Variants in FYB2 observed in about 807,000 individuals in gnomAD.
The protein encoded by FYB2 is FYN-binding protein 2.
A neutral mutation model predicts 94.1 loss-of-function variants in FYB2; 103 were observed. The observed-to-expected ratio is 1.09, with a 90% CI of 0.93 to 1.29. The LOEUF (loss-of-function observed/expected upper bound fraction) is 1.29. Among genes scored for constraint, FYB2 ranks in the 50% most tolerant of loss-of-function variants. FYB2 has a pLI of 0.00. For synonymous variants in FYB2, 293 were observed against 287.9 expected, an observed-to-expected ratio of 1.02 and a Z score of -0.18; for missense variants, 896 against 841.5, an observed-to-expected ratio of 1.06 and a Z score of -0.80.
At chr1:56,776,492 T>TC (rs1392375368) in intron 4 of FYB2, among the ~76,000 whole-genome samples, 2 of 152,124 alleles carry the variant, frequency 1.3e-5, no homozygotes, top group African/African-American at 4.8e-5. Flanking sequence ...CTCTTTTTTT[T>TC]CCCATTCATC....
At chr1:56,819,601 C>T (rs920410723), upstream of FYB2, 2 of 526,104 alleles carry the variant, frequency 3.8e-6, no homozygotes, top group African/African-American at 1.9e-5. Flanking sequence ...CCGTTGCTCC[C>T]CTCCGGCTGG....
Position 56,792,405 on chromosome 1 carries a change from G to A in FYB2, c.408C>T (p.Phe136=). ...TCTCCCAGTTCCAGAGTTTGTTTCT[G>A]AAGCTATTGGCCACCATTACTTTTT... ...TKEKVMVANS[F]RNKLWNWEKV... The change falls in exon 2 of 20, where the codon TTC becomes TTT. Residue 136 remains phenylalanine (F), a synonymous_variant. Coordinates refer to ENST00000343433, the MANE Select transcript of FYB2 (RefSeq NM_001004303.5). The A allele has an allele frequency of 1.9e-6, 3 of 1,614,174 alleles. No homozygotes were observed. The highest frequency in any genetic ancestry group is 1.7e-6 in the Non-Finnish European group (2 of 1,180,028).
chr1:56,723,075 CTTGT>C (rs912484874), intron 17 of FYB2, among the ~76,000 whole-genome samples: 3 of 151,962 alleles, frequency 2.0e-5, no homozygotes, highest in Admixed American at 2.0e-4. Context: ...CATTCATTTG[CTTGT>C]TTATTTAGGC....
chr1:56,811,385 C>G (rs1167912097), intron 1 of FYB2, among the ~76,000 whole-genome samples: 1 of 152,210 alleles, frequency 6.6e-6, no homozygotes, highest in Non-Finnish European at 1.5e-5. Flanking sequence ...ACCTGACACT[C>G]CCTTGCACTG....
intron 1 of FYB2, among the ~76,000 whole-genome samples, chr1:56,797,825 G>A (rs1262871196): frequency 1.3e-5 from 2 of 152,140 alleles, no homozygotes; most frequent in Non-Finnish European, 2.9e-5. Flanking sequence ...CACACTGGCC[G>A]ATACAGCCTG....
At chr1:56,761,237 A>G (rs752145168) in intron 5 of FYB2, among the ~76,000 whole-genome samples, 2 of 152,236 alleles carry the variant, frequency 1.3e-5, no homozygotes, top group Non-Finnish European at 2.9e-5. Flanking sequence ...ATAATTTAAA[A>G]GAAACTAACA....
intron 3 of FYB2, among the ~76,000 whole-genome samples, chr1:56,788,523 G>C (rs1646182453): frequency 6.6e-6 from 1 of 152,148 alleles, no homozygotes; most frequent in Admixed American, 6.5e-5. Context: ...GGGGTTGCAG[G>C]CTTTCAGTTA....
Position 56,792,252 on chromosome 1 carries a change from T to C in FYB2, c.561A>G (p.Glu187=). 1 of 1,612,280 alleles carries C rather than the reference T, an allele frequency of 6.2e-7. No homozygotes were observed. The highest frequency in any genetic ancestry group is 8.5e-7 in the Non-Finnish European group (1 of 1,179,570). ...LTPEEPRKKL[E]TKGAQTLPSQ... is the part of the protein sequence containing the mutation. Reference sequence around the variant, plus strand: ...AAGGAAGAGTCTGGGCTCCTTTTGTTTCCAGCTTTTTCCTGGGTTCCTCTG... The same window carrying C: ...AAGGAAGAGTCTGGGCTCCTTTTGTCTCCAGCTTTTTCCTGGGTTCCTCTG... The change falls in exon 2 of 20, where the codon GAA becomes GAG. Residue 187 remains glutamate (E), a synonymous_variant. Coordinates refer to ENST00000343433, the MANE Select transcript of FYB2 (RefSeq NM_001004303.5).
At chr1:56,799,445 C>T (rs1489233072) in intron 1 of FYB2, among the ~76,000 whole-genome samples, 2 of 152,084 alleles carry the variant, frequency 1.3e-5, no homozygotes, top group South Asian at 2.1e-4. Context: ...TTTGCATTGG[C>T]TTTTAAGACA....
intron 3 of FYB2, among the ~76,000 whole-genome samples, chr1:56,787,611 C>T (rs998612762): frequency 3.3e-5 from 5 of 152,160 alleles, no homozygotes; most frequent in African/African-American, 9.7e-5. Context: ...AAGCCCTTTC[C>T]GGGCATCATG....
intron 4 of FYB2, among the ~76,000 whole-genome samples, chr1:56,775,455 G>A (rs1645853889): frequency 6.6e-6 from 1 of 152,124 alleles, no homozygotes; most frequent in African/African-American, 2.4e-5. Flanking sequence ...GCAGGCATGG[G>A]AAGGCATGTA....
chr1:56,772,763 T>C (rs1020135650), intron 4 of FYB2, among the ~76,000 whole-genome samples: 2 of 152,146 alleles, frequency 1.3e-5, no homozygotes, highest in African/African-American at 4.8e-5. Flanking sequence ...ACAGTTATAA[T>C]AAAATCTACT....
chr1:56,773,572 A>C (rs1274289077), intron 4 of FYB2, among the ~76,000 whole-genome samples: 2 of 152,138 alleles, frequency 1.3e-5, no homozygotes, highest in African/African-American at 4.8e-5. Flanking sequence ...ACAATGTGGA[A>C]AATGCCTGAC....
chr1:56,730,369 G>A (rs1172703373), intron 15 of FYB2, among the ~76,000 whole-genome samples: 2 of 112,444 alleles, frequency 1.8e-5, no homozygotes, highest in East Asian at 3.1e-4. Flanking sequence ...GTAAACGGGA[G>A]GAGAGGGGGA....
intron 4 of FYB2, among the ~76,000 whole-genome samples, chr1:56,778,891 A>C (rs541099132): frequency 3.3e-4 from 51 of 152,338 alleles, no homozygotes; most frequent in African/African-American, 1.2e-3. Context: ...GCATCTAGAA[A>C]AATGGCGGGC....
intron 17 of FYB2, among the ~76,000 whole-genome samples, chr1:56,721,243 G>A (rs901815570): frequency 2.6e-5 from 4 of 151,952 alleles, no homozygotes; most frequent in Non-Finnish European, 4.4e-5. Context: ...TCCAGAATAC[G>A]CAGCTTAGAT....
chr1:56,772,648 G>A (rs557033010), intron 4 of FYB2, among the ~76,000 whole-genome samples: 11 of 152,236 alleles, frequency 7.2e-5, no homozygotes, highest in African/African-American at 2.6e-4. Flanking sequence ...GACAGACCTG[G>A]AACATGGGGT....
chr1:56,745,601 TACC>T (rs1189364398), intron 9 of FYB2, among the ~76,000 whole-genome samples: 1 of 152,026 alleles, frequency 6.6e-6, no homozygotes, highest in Non-Finnish European at 1.5e-5. Flanking sequence ...TCCTCCAAGC[TACC>T]ACCATTTCTC....
At chr1:56,786,214 G>A (rs1646129715) in intron 4 of FYB2, among the ~76,000 whole-genome samples, 1 of 152,152 alleles carries the variant, frequency 6.6e-6, no homozygotes, top group African/African-American at 2.4e-5. Context: ...AAACATATGA[G>A]CAAACCCAGC....
Sources: allele counts gnomAD v4.1 joint callset (sites outside exome capture counted in the v4.1 genomes callset), GRCh38; gene constraint gnomAD v4.1.1; transcripts MANE v1.5; gene names NCBI Gene and HGNC (gene_info 2026-07-23, HGNC 2026-07-21).